Variants in OXR1 observed in about 807,000 individuals in gnomAD.
The protein encoded by OXR1 is oxidation resistance protein 1.
A neutral mutation model predicts 104.6 loss-of-function variants in OXR1; 41 were observed. The ratio of observed to expected loss-of-function variants is 0.39; its 90% CI spans 0.31 to 0.51. The LOEUF (loss-of-function observed/expected upper bound fraction) is 0.51, where lower values mean the gene tolerates loss of function less well. OXR1 is among the 20% of genes least tolerant of loss of function. OXR1 has a pLI of 0.77. For synonymous variants in OXR1, 348 were observed against 348.4 expected, an observed-to-expected ratio of 1.00 and a Z score of 0.01; for missense variants, 955 against 1,031.9, an observed-to-expected ratio of 0.93 and a Z score of 1.02.
intron 3 of OXR1, among the ~76,000 whole-genome samples, chr8:106,546,560 G>A (rs1011064351): frequency 6.6e-6 from 1 of 152,140 alleles, no homozygotes; most frequent in African/African-American, 2.4e-5. Flanking sequence ...TATTTAAAGG[G>A]GAAAAGCGAG....
At chr8:106,483,289 C>CT (rs1235311622) in intron 2 of OXR1, among the ~76,000 whole-genome samples, 2 of 151,980 alleles carry the variant, frequency 1.3e-5, no homozygotes, top group African/African-American at 4.8e-5. Flanking sequence ...CGCTTGACCT[C>CT]TAGTGCCATC....
intron 2 of OXR1, among the ~76,000 whole-genome samples, chr8:106,451,361 TA>T (rs1820305864): frequency 6.6e-6 from 1 of 152,200 alleles, no homozygotes; most frequent in Admixed American, 6.5e-5. Context: ...ACAGATGAAT[TA>T]TGCCCATTTA....
At chr8:106,695,858 G>A (rs76580505) in intron 7 of OXR1, among the ~76,000 whole-genome samples, 1,538 of 151,852 alleles carry the variant, frequency 0.01, 18 homozygotes, top group Non-Finnish European at 0.013. Flanking sequence ...AGTTTTAAAT[G>A]GACGGAAGAA....
chr8:106,479,457 G>A (rs1259429590), intron 2 of OXR1, among the ~76,000 whole-genome samples: 1 of 151,870 alleles, frequency 6.6e-6, no homozygotes, highest in Admixed American at 6.6e-5. Flanking sequence ...ACTGCTAATA[G>A]GAAACAATTA....
intron 3 of OXR1, among the ~76,000 whole-genome samples, chr8:106,638,893 C>CAAAA (rs34153559): frequency 1.1e-5 from 1 of 94,904 alleles, no homozygotes; most frequent in African/African-American, 3.6e-5. Context: ...GACTCCATTT[C>CAAAA]AAAAAAAAAA....
At chr8:106,723,793 T>C (rs544308795) in intron 11 of OXR1, among the ~76,000 whole-genome samples, 11 of 152,252 alleles carry the variant, frequency 7.2e-5, no homozygotes, top group Admixed American at 2.6e-4. Context: ...ATTTTTAAAT[T>C]TATTATTATT....
Position 106,742,213 on chromosome 8 carries a change from TATC to T in OXR1, c.2317-8_2317-6del, listed in dbSNP as rs746798407. 3 of 1,537,074 alleles carry T rather than the reference TATC, an allele frequency of 2.0e-6. No homozygotes were observed. The Admixed American group carries it at 5.0e-5, about 26-fold the overall frequency. ...GTCGTGTCATTGAATATGCCTTTTT[TATC>T]CTTAGGTTTTTGGTGCGTTAGCATC... On this transcript the variant is annotated splice_polypyrimidine_tract_variant and splice_region_variant and intron_variant, in intron 14 of 16. Coordinates refer to ENST00000517566, the MANE Select transcript of OXR1 (RefSeq NM_001198533.2).
intron 3 of OXR1, among the ~76,000 whole-genome samples, chr8:106,673,674 C>T (rs1318331981): frequency 6.6e-6 from 1 of 152,108 alleles, no homozygotes; most frequent in Non-Finnish European, 1.5e-5. Flanking sequence ...CCATCACAGG[C>T]CTGGAGACTT....
In OXR1 at chr8:106,750,846, G is replaced by A; in HGVS notation, c.2527G>A (p.Gly843Arg). Residue 843 changes from glycine to arginine, a missense_variant, in exon 17 of 17, where the codon GGA becomes AGA. Transcript: ENST00000517566. The part of the protein sequence containing the change: ...ALWLDGDLYH[G>R]RSHSCKTFGN... ...TTGGCTTGATGGAGATCTCTACCAT[G>A]GAAGAAGCCATTCTTGTAAAACGTT... The A allele has an allele frequency of 6.2e-7, 1 of 1,609,504 alleles. No homozygotes were observed. Among genetic ancestry groups the A allele is most frequent in the Non-Finnish European group, 8.5e-7 (1 of 1,176,842 alleles).
At chr8:106,291,735 A>G (rs1812761106) in intron 1 of OXR1, among the ~76,000 whole-genome samples, 1 of 152,230 alleles carries the variant, frequency 6.6e-6, no homozygotes, top group Admixed American at 6.5e-5. Flanking sequence ...AAGGAGGTTT[A>G]ATAGACACAG....
chr8:106,593,718 G>A (rs1381069426), intron 3 of OXR1, among the ~76,000 whole-genome samples: 2 of 152,222 alleles, frequency 1.3e-5, no homozygotes, highest in African/African-American at 4.8e-5. Context: ...AGATCTTGCA[G>A]TGTGCAGAAA....
At chr8:106,642,112 A>G (rs1044478262) in intron 3 of OXR1, among the ~76,000 whole-genome samples, 1 of 152,142 alleles carries the variant, frequency 6.6e-6, no homozygotes, top group Non-Finnish European at 1.5e-5. Context: ...AGAATGAGCT[A>G]CAAGGAAGTA....
chr8:106,665,478 A>G (rs1339939981), intron 3 of OXR1, among the ~76,000 whole-genome samples: 3 of 152,248 alleles, frequency 2.0e-5, no homozygotes, highest in Admixed American at 1.3e-4. Context: ...ACCCATGTTT[A>G]TAACAGGATT....
intron 3 of OXR1, among the ~76,000 whole-genome samples, chr8:106,600,235 G>C (rs1225619343): frequency 6.6e-6 from 1 of 152,188 alleles, no homozygotes; most frequent in Admixed American, 6.5e-5. Context: ...GGGAATTTGA[G>C]AGCATATGTC....
chr8:106,472,979 T>TC (rs1326768083), intron 2 of OXR1, among the ~76,000 whole-genome samples: 2 of 151,888 alleles, frequency 1.3e-5, no homozygotes, highest in African/African-American at 4.8e-5. Context: ...ATTCTTTTTT[T>TC]CCCCAGCATT....
At chr8:106,319,174 A>C (rs374462416) in intron 1 of OXR1, among the ~76,000 whole-genome samples, 1 of 152,230 alleles carries the variant, frequency 6.6e-6, no homozygotes, top group East Asian at 1.9e-4. Flanking sequence ...TATTTCCATG[A>C]GATCTTCTAG....
At chr8:106,291,199 A>G (rs1283100791) in intron 1 of OXR1, among the ~76,000 whole-genome samples, 2 of 152,234 alleles carry the variant, frequency 1.3e-5, no homozygotes, top group Non-Finnish European at 2.9e-5. Context: ...AAGACCAAAT[A>G]CTGCATGTTT....
intron 3 of OXR1, among the ~76,000 whole-genome samples, chr8:106,671,032 G>A (rs1826896298): frequency 1.2e-5 from 1 of 81,202 alleles, no homozygotes. Context: ...GTGACAGAGT[G>A]AGACTCTGTC....
chr8:106,640,384 A>G (rs1334168406), intron 3 of OXR1, among the ~76,000 whole-genome samples: 1 of 151,224 alleles, frequency 6.6e-6, no homozygotes, highest in African/African-American at 2.4e-5. Context: ...ATATGTATAT[A>G]TACATATATA....
Sources: allele counts gnomAD v4.1 joint callset (sites outside exome capture counted in the v4.1 genomes callset), GRCh38; gene constraint gnomAD v4.1.1; transcripts MANE v1.5; gene names NCBI Gene and HGNC (gene_info 2026-07-23, HGNC 2026-07-21).